Variants in ZNF227 observed in about 807,000 individuals in gnomAD.
The protein encoded by ZNF227 is zinc finger protein 227.
Under a neutral mutation model 13.2 loss-of-function variants are expected in ZNF227, and 12 were observed. The observed-to-expected ratio is 0.91, with a 90% CI of 0.58 to 1.47. ZNF227 has a LOEUF of 1.47. Ranked by LOEUF, ZNF227 falls within the 40% of genes most tolerant of loss-of-function variation. The pLI is 0.00. For synonymous variants in ZNF227, 338 were observed against 326.0 expected (o/e 1.04, Z -0.40); for missense variants, 885 against 967.5 (o/e 0.91, Z 1.13).
Position 44,235,393 on chromosome 19 carries a change from G to C in ZNF227, c.963G>C (p.Glu321Asp), listed in dbSNP as rs759032068. 2 of 1,614,162 alleles carry C rather than the reference G, an allele frequency of 1.2e-6. No individual in the cohort carries two copies. The highest frequency in any genetic ancestry group is 1.7e-6 in the Non-Finnish European group (2 of 1,180,040). ...CTTATCAATCTAATCATACAGGAGAGAAGTCTTATAGATGCGACAGTTGCG... is the reference window on the plus strand; with the variant it reads ...CTTATCAATCTAATCATACAGGAGACAAGTCTTATAGATGCGACAGTTGCG... ...FHSYQSNHTG[E>D]KSYRCDSCGK... Residue 321 changes from glutamate to aspartate, a missense_variant, in exon 6 of 6, where the codon GAG becomes GAC. By Grantham distance (45) the Glu-to-Asp change is conservative (BLOSUM62 2). Transcript: ENST00000313040.
At chr19:44,214,704 CAA>C (rs1370663680) in intron 2 of ZNF227, among the ~76,000 whole-genome samples, 3 of 152,058 alleles carry the variant, frequency 2.0e-5, no homozygotes, top group Non-Finnish European at 4.4e-5. Context: ...ATTCAACTGT[CAA>C]AAGAGTGGTG....
chr19:44,224,424 C>G (rs571479649), intron 3 of ZNF227, among the ~76,000 whole-genome samples: 1 of 152,230 alleles, frequency 6.6e-6, no homozygotes, highest in South Asian at 2.1e-4. Flanking sequence ...GTAGGTCACT[C>G]AGGACTTGCT....
intron 2 of ZNF227, 85 bp from the exon 3 acceptor site, chr19:44,217,706 T>A: frequency 7.1e-7 from 1 of 1,413,604 alleles, no homozygotes. Context: ...CCTGTCTGAA[T>A]GTAGGGCTAT....
Position 44,236,424 on chromosome 19 carries a change from G to A in ZNF227, c.1994G>A (p.Cys665Tyr), listed in dbSNP as rs777148980. Residue 665 changes from cysteine (C) to tyrosine (Y), a missense_variant, in exon 6 of 6, where the codon TGT becomes TAT. Coordinates refer to ENST00000313040, the MANE Select transcript of ZNF227 (RefSeq NM_182490.3). ...TGEKPYKCDV[C>Y]GKGFRYSSQF... Reference sequence around the variant, plus strand: ...GAAAAGCCATACAAATGTGATGTGTGTGGAAAGGGCTTTAGATACAGTTCG... The same window carrying A: ...GAAAAGCCATACAAATGTGATGTGTATGGAAAGGGCTTTAGATACAGTTCG... The A allele has an allele frequency of 6.2e-7, 1 of 1,613,926 alleles. No homozygotes were observed. Among genetic ancestry groups the A allele is most frequent in the Non-Finnish European group, 8.5e-7 (1 of 1,180,000 alleles).
intron 2 of ZNF227, among the ~76,000 whole-genome samples, chr19:44,214,704 CA>C (rs1370663680): frequency 1.3e-5 from 2 of 152,058 alleles, no homozygotes; most frequent in Admixed American, 1.3e-4. Flanking sequence ...ATTCAACTGT[CA>C]AAAGAGTGGT....
upstream of ZNF227, among the ~76,000 whole-genome samples, chr19:44,209,497 T>C (rs796448070): frequency 2.0e-5 from 3 of 152,338 alleles, no homozygotes; most frequent in African/African-American, 7.2e-5. Flanking sequence ...GAGGGAATCA[T>C]TGAGATTTGG....
chr19:44,236,563 G>A lies in ZNF227; in HGVS notation c.2133G>A (p.Thr711=), dbSNP rs28671410. 13,068 of 1,613,482 alleles carry A rather than the reference G, an allele frequency of 8.1e-3. 207 individuals are homozygous for A. Among genetic ancestry groups the A allele is most frequent in the African/African-American group, 0.065 (4,840 of 74,780 alleles). Reference sequence around the variant, plus strand: ...TTCGCCATCATCAGAGGGTCCACACGGGAGAGAAACCCCATATATGTGAGG... The same window carrying A: ...TTCGCCATCATCAGAGGGTCCACACAGGAGAGAAACCCCATATATGTGAGG... ...LNLRHHQRVH[T]GEKPHICEEC... The change falls in exon 6 of 6, where the codon ACG becomes ACA. Residue 711 remains threonine (T), a synonymous_variant. Transcript: ENST00000313040.
intron 5 of ZNF227, among the ~76,000 whole-genome samples, chr19:44,231,078 TTAAAAG>T (rs1441381159): frequency 6.6e-6 from 1 of 150,926 alleles, no homozygotes; most frequent in East Asian, 1.9e-4. Flanking sequence ...ACACACAAAA[TTAAAAG>T]TAAAAATTAG....
chr19:44,214,199 GTC>G (rs1389085473), intron 2 of ZNF227, among the ~76,000 whole-genome samples: 7 of 151,794 alleles, frequency 4.6e-5, no homozygotes, highest in Non-Finnish European at 2.9e-5. Flanking sequence ...TTATTTATGT[GTC>G]TCAGTATATT....
chr19:44,225,012 C>T (rs1972951627), intron 3 of ZNF227, among the ~76,000 whole-genome samples: 1 of 151,984 alleles, frequency 6.6e-6, no homozygotes, highest in South Asian at 2.1e-4. Context: ...TATTTTATTT[C>T]TCCTTCACTT....
intron 3 of ZNF227, among the ~76,000 whole-genome samples, chr19:44,223,311 A>C (rs1018910666): frequency 1.3e-5 from 2 of 152,084 alleles, no homozygotes; most frequent in Admixed American, 6.6e-5. Flanking sequence ...CTCTTTTTCT[A>C]TTGATTGGAA....
chr19:44,235,976 G>C lies in ZNF227; in HGVS notation c.1546G>C (p.Gly516Arg), dbSNP rs749946407. 2 of 1,613,928 alleles carry C rather than the reference G, an allele frequency of 1.2e-6. No individual in the cohort carries two copies. Among genetic ancestry groups the C allele is most frequent in the South Asian group, 1.1e-5 (1 of 91,066 alleles). The change falls in exon 6 of 6, where the codon GGG becomes CGG. Residue 516 changes from glycine to arginine, a missense_variant. By Grantham distance (125) the Gly-to-Arg change is moderately radical. Transcript: ENST00000313040. ...NLQVHQNVHT[G>R]EKRFKCETCG... ...TCAAGTCCATCAGAATGTCCACACTGGGGAGAAACGATTCAAGTGTGAAAC... is the reference window on the plus strand; with the variant it reads ...TCAAGTCCATCAGAATGTCCACACTCGGGAGAAACGATTCAAGTGTGAAAC...
chr19:44,212,268 AAC>A (rs983231375), upstream of ZNF227, among the ~76,000 whole-genome samples: 77 of 152,112 alleles, frequency 5.1e-4, no homozygotes, highest in African/African-American at 1.7e-3. Flanking sequence ...AGCCTGGCTA[AAC>A]AGCAATAAGC....
intron 3 of ZNF227, among the ~76,000 whole-genome samples, chr19:44,221,799 G>A (rs1305432124): frequency 1.3e-5 from 2 of 152,116 alleles, no homozygotes; most frequent in Non-Finnish European, 2.9e-5. Context: ...GGCTTTTGTT[G>A]CCATTGCTTT....
upstream of ZNF227, among the ~76,000 whole-genome samples, chr19:44,211,495 C>G (rs984258867): frequency 6.6e-6 from 1 of 152,134 alleles, no homozygotes; most frequent in African/African-American, 2.4e-5. Context: ...AAATAAAGAT[C>G]AAGGTTTAAA....
rs775538908 is a variant in ZNF227, at chr19:44,235,314, A to AACTC, written c.886_889dup (p.Asn297ThrfsTer3). On this transcript the variant is annotated frameshift_variant, in exon 6 of 6. Transcript: ENST00000313040. LOFTEE classifies it low-confidence loss of function (END_TRUNC). ...CATCAGAGAATTCACCCAGGAGAGA[A>AACTC]ACTCAATAGATGTCATGAATCTGGT... 1 of 1,614,078 alleles carries AACTC rather than the reference A, an allele frequency of 6.2e-7. No homozygotes were observed. The highest frequency in any genetic ancestry group is 1.3e-5 in the African/African-American group (1 of 74,928).
intron 5 of ZNF227, 40 bp downstream of exon 5, chr19:44,229,856 G>C: frequency 1.4e-6 from 2 of 1,426,842 alleles, no homozygotes; most frequent in Non-Finnish European, 1.9e-6. Flanking sequence ...GTTCTTTCAG[G>C]TACTGGTTAG....
Position 44,235,694 on chromosome 19 carries a change from C to G in ZNF227, c.1264C>G (p.His422Asp). The change falls in exon 6 of 6, where the codon CAT becomes GAT. Residue 422 changes from histidine to aspartate, a missense_variant. Physicochemically the swap from His to Asp is moderately conservative, Grantham distance 81 (BLOSUM62 -1). Coordinates refer to ENST00000313040, the MANE Select transcript of ZNF227 (RefSeq NM_182490.3). ...TGGTAAGGGCTTCACTCAGGCTGCA[C>G]ATTTTCACATCCATCAGAGAGTCCA... The part of the protein sequence containing the change: ...ECGKGFTQAA[H>D]FHIHQRVHTG... 6.2e-7 allele frequency: 1 copy of G among 1,613,246 alleles called. No homozygotes were observed. The highest frequency in any genetic ancestry group is 1.3e-5 in the African/African-American group (1 of 74,720).
In ZNF227 at chr19:44,236,661, TTAAA is replaced by T. The variant is rs1413332928; in HGVS notation, c.2233_2236del (p.Lys745ValfsTer74). 1.9e-6 allele frequency: 3 copies of T among 1,609,866 alleles called. No homozygotes were observed. The African/African-American group carries it at 4.1e-5, about 22-fold the overall frequency. On this transcript the variant is annotated frameshift_variant, in exon 6 of 6. Transcript: ENST00000313040. LOFTEE classifies it low-confidence loss of function (END_TRUNC). ...GGTGTTCACACCAGGGAAAAACTCT[TTAAA>T]TGTGAAGAGTGTGGTAAAGGCTTCA...
Sources: gnomAD v4.1 joint callset for allele counts (sites outside exome capture counted in the v4.1 genomes callset) on GRCh38, gnomAD v4.1.1 for gene constraint, MANE v1.5 for transcripts, NCBI Gene and HGNC (gene_info 2026-07-23, HGNC 2026-07-21) for gene names.